EFCAB12: variants seen among roughly 807,000 people sequenced by gnomAD.
The protein encoded by EFCAB12 is EF-hand calcium-binding domain-containing protein 12.
A neutral mutation model predicts 53.6 loss-of-function variants in EFCAB12; 43 were observed. That is an observed-to-expected ratio of 0.80 (90% confidence interval 0.63 to 1.03). The LOEUF is 1.03. Ranked by LOEUF, EFCAB12 falls within the 50% of genes least tolerant of loss-of-function variation. The pLI, the probability that EFCAB12 is intolerant of heterozygous loss-of-function variation, is 0.00. For synonymous variants in EFCAB12, 269 were observed against 289.2 expected (o/e 0.93, Z 0.71); for missense variants, 646 against 730.6 (o/e 0.88, Z 1.34).
chr3:129,411,017 G>T, intron 5 of EFCAB12, 141 bp downstream of exon 5: 1 of 804,654 alleles, frequency 1.2e-6, no homozygotes, highest in Non-Finnish European at 1.9e-6. Flanking sequence ...TACAGATGAG[G>T]GACGTGAAGA....
chr3:129,410,032 A>G (rs974816688), intron 5 of EFCAB12, among the ~76,000 whole-genome samples: 10 of 151,450 alleles, frequency 6.6e-5, no homozygotes, highest in African/African-American at 2.4e-4. Flanking sequence ...TTTTAGAGAC[A>G]CGGTCTCACT....
intron 5 of EFCAB12, among the ~76,000 whole-genome samples, chr3:129,409,777 G>A (rs975143235): frequency 2.6e-5 from 4 of 152,092 alleles, no homozygotes; most frequent in East Asian, 1.9e-4. Flanking sequence ...GAGTAGTTGC[G>A]ACAGACAAGA....
At position 129,402,553 on chromosome 3, in the gene EFCAB12, A is replaced by C; in HGVS notation, c.1430T>G (p.Met477Arg). The C allele has an allele frequency of 6.2e-7, 1 of 1,612,936 alleles. No homozygotes were observed. ...AAATTCCTCAAACTCCTTAAAGCGCATTTTCTTGCTTTTCTTTGGCGTTTT... is the reference window on the plus strand; with the variant it reads ...AAATTCCTCAAACTCCTTAAAGCGCCTTTTCTTGCTTTTCTTTGGCGTTTT... Reference protein sequence around the residue: ...DKKTPKKSKKMRFKEFEEFTR... With the variant: ...DKKTPKKSKKRRFKEFEEFTR... The change falls in exon 8 of 9, where the codon ATG (methionine) becomes AGG (arginine). Residue 477 changes from methionine to arginine, a missense_variant. By Grantham distance (91) the Met-to-Arg change is moderately conservative. Transcript: ENST00000505956.
At position 129,421,809 on chromosome 3, in the gene EFCAB12, G is replaced by C; in HGVS notation, c.50-6C>G. 6.2e-7 allele frequency: 1 copy of C among 1,600,436 alleles called. No individual in the cohort carries two copies. The highest frequency in any genetic ancestry group is 1.3e-5 in the African/African-American group (1 of 74,552). On this transcript the variant is annotated splice_polypyrimidine_tract_variant and splice_region_variant and intron_variant, in intron 1 of 8. Coordinates refer to ENST00000505956, the MANE Select transcript of EFCAB12 (RefSeq NM_207307.3). ...AGTCTTAGACGGGCAGAGTCCTTGG[G>C]GTAAGAGAGTTAAAAGATGAGTTTC...
intron 5 of EFCAB12, 24 bp downstream of exon 5, chr3:129,411,134 G>A: frequency 6.5e-7 from 1 of 1,549,954 alleles, no homozygotes; most frequent in Non-Finnish European, 8.7e-7. Flanking sequence ...CAAGCCGCAT[G>A]CTCTCCTTGG....
chr3:129,409,330 C>A (rs1003420430), intron 5 of EFCAB12, among the ~76,000 whole-genome samples: 1 of 152,154 alleles, frequency 6.6e-6, no homozygotes, highest in Non-Finnish European at 1.5e-5. Flanking sequence ...GTAGTCCCAG[C>A]TTCTCAGGAG....
chr3:129,411,251 A>C lies in EFCAB12; in HGVS notation c.942T>G (p.Pro314=), dbSNP rs553566960. 7 of 1,613,804 alleles carry C rather than the reference A, an allele frequency of 4.3e-6. No homozygotes were observed. In the African/African-American group the frequency reaches 5.3e-5, roughly 12 times the overall value. ...QLPKVDLLTV[P]AVDTQMETRP... ...GCGTCTCCATCTGCGTGTCGACTGC[A>C]GGCACCGTCAGTAGGTCCACTTTGG... The change falls in exon 5 of 9, where the codon CCT becomes CCG. Residue 314 remains proline, a synonymous_variant. Transcript: ENST00000505956.
chr3:129,411,121 C>A (rs1450342274), intron 5 of EFCAB12, 37 bp downstream of exon 5: 2 of 1,541,424 alleles, frequency 1.3e-6, no homozygotes, highest in South Asian at 1.2e-5. Context: ...CTGCTCCAGT[C>A]CCCAAGCCGC....
intron 6 of EFCAB12, among the ~76,000 whole-genome samples, chr3:129,407,725 C>T (rs1343717774): frequency 6.6e-6 from 1 of 152,194 alleles, no homozygotes; most frequent in African/African-American, 2.4e-5. Flanking sequence ...ACCGGCCTGG[C>T]CAACATGGTG....
At chr3:129,406,487 G>GT (rs2071952843) in intron 6 of EFCAB12, among the ~76,000 whole-genome samples, 4 of 152,134 alleles carry the variant, frequency 2.6e-5, no homozygotes, top group African/African-American at 9.6e-5. Flanking sequence ...GTGTGTGCAC[G>GT]TGTGTGTGTA....
intron 2 of EFCAB12, among the ~76,000 whole-genome samples, chr3:129,421,148 C>T (rs1367207990): frequency 2.6e-5 from 4 of 152,358 alleles, no homozygotes; most frequent in East Asian, 3.9e-4. Flanking sequence ...ACTCTAGAAA[C>T]GGTGTGTGAT....
At chr3:129,423,181 G>A (rs1322347601) in intron 1 of EFCAB12, among the ~76,000 whole-genome samples, 1 of 152,178 alleles carries the variant, frequency 6.6e-6, no homozygotes. Flanking sequence ...CCAGAGCTCG[G>A]CTCTTAGCTG....
chr3:129,418,256 C>A lies in EFCAB12; in HGVS notation c.679G>T (p.Ala227Ser). The change falls in exon 3 of 9, where the codon GCA becomes TCA. Residue 227 changes from alanine to serine, a missense_variant and splice_region_variant. Physicochemically the swap from Ala to Ser is moderately conservative, Grantham distance 99. Coordinates refer to ENST00000505956, the MANE Select transcript of EFCAB12 (RefSeq NM_207307.3). ...TREEFIAAVK[A>S]VGVPLKNQEV... is the part of the protein sequence containing the mutation. ...CAGAGAAAGCAGGTGGCACTTACTGCCTTTACAGCCGCGATGAACTCCTCC... is the reference window on the plus strand; with the variant it reads ...CAGAGAAAGCAGGTGGCACTTACTGACTTTACAGCCGCGATGAACTCCTCC... 1 of 1,606,360 alleles carries A rather than the reference C, an allele frequency of 6.2e-7. No homozygotes were observed. Among genetic ancestry groups the A allele is most frequent in the Non-Finnish European group, 8.5e-7 (1 of 1,175,306 alleles).
At position 129,424,890 on chromosome 3, in the gene EFCAB12, T is replaced by C. The variant is rs148637691; in HGVS notation, c.50-3087A>G. Among the ~76,000 whole-genome samples, 329 of 152,120 alleles carry C rather than the reference T, an allele frequency of 2.2e-3. 1 individual carries two copies. Among genetic ancestry groups the C allele is most frequent in the Non-Finnish European group, 3.2e-3 (216 of 67,988 alleles). On this transcript the variant is annotated intron_variant, in intron 1 of 8. Coordinates refer to ENST00000505956, the MANE Select transcript of EFCAB12 (RefSeq NM_207307.3). ...CCAGAGGGTAACAAGATGTTCTCAG[T>C]TGGGGGAGAAATGCTGACTGTGGGA...
At chr3:129,421,221 C>T (rs991132540) in intron 2 of EFCAB12, 146 bp downstream of exon 2, 27 of 881,260 alleles carry the variant, frequency 3.1e-5, no homozygotes, top group Non-Finnish European at 4.2e-5. Flanking sequence ...GATAACTAGA[C>T]AACTAATACA....
In EFCAB12 at chr3:129,421,646, T is replaced by C. The variant is rs3774788; in HGVS notation, c.207A>G (p.Thr69=). 162,508 of 1,613,784 alleles carry C rather than the reference T, an allele frequency of 0.1. 9,202 individuals are homozygous for C. Among genetic ancestry groups the C allele is most frequent in the African/African-American group, 0.19 (14,083 of 74,972 alleles). ...IIMVPRKEDQ[T]PLNPASQPQA... ...GAGGTTGGGATGCAGGATTAAGGGG[T>C]GTCTGATCCTCCTTGCGAGGCACCA... Residue 69 remains threonine, a synonymous_variant, in exon 2 of 9, where the codon ACA becomes ACG. Coordinates refer to ENST00000505956, the MANE Select transcript of EFCAB12 (RefSeq NM_207307.3).
chr3:129,424,566 A>C (rs891122097), intron 1 of EFCAB12, among the ~76,000 whole-genome samples: 1 of 152,230 alleles, frequency 6.6e-6, no homozygotes, highest in African/African-American at 2.4e-5. Context: ...GAGTCAATTA[A>C]ACCTCATCTC....
At chr3:129,403,319 T>C (rs1397786285) in intron 7 of EFCAB12, 5 of 152,538 alleles carry the variant, frequency 3.3e-5, no homozygotes, top group African/African-American at 9.6e-5. Context: ...CAATCATTGA[T>C]TGAGTGCTGT....
intron 6 of EFCAB12, among the ~76,000 whole-genome samples, chr3:129,406,528 G>C (rs2071953522): frequency 6.6e-6 from 1 of 152,050 alleles, no homozygotes; most frequent in African/African-American, 2.4e-5. Flanking sequence ...AGAGAGAAAG[G>C]GTCTTGCTCT....
Sources: gnomAD v4.1 joint callset for allele counts (sites outside exome capture counted in the v4.1 genomes callset) on GRCh38, gnomAD v4.1.1 for gene constraint, MANE v1.5 for transcripts, NCBI Gene and HGNC (gene_info 2026-07-23, HGNC 2026-07-21) for gene names.